The following TMEM41B variants were observed in gnomAD, a reference collection of about 807,000 sequenced individuals.
TMEM41B encodes the protein protein stasimon.
In TMEM41B, 18 loss-of-function variants were observed where a neutral mutation model predicts 31.9. The ratio of observed to expected loss-of-function variants is 0.56; its 90% CI spans 0.39 to 0.84. The LOEUF (loss-of-function observed/expected upper bound fraction) is 0.84, where lower values mean the gene tolerates loss of function less well. TMEM41B is among the 40% of genes least tolerant of loss of function. TMEM41B has a pLI of 0.00. For synonymous variants in TMEM41B, 144 were observed against 124.3 expected, an observed-to-expected ratio of 1.16 and a Z score of -1.05; for missense variants, 322 against 348.0, an observed-to-expected ratio of 0.93 and a Z score of 0.59.
chr11:9,293,414 T>C (rs1050475566), intron 3 of TMEM41B, among the ~76,000 whole-genome samples: 3 of 151,902 alleles, frequency 2.0e-5, no homozygotes, highest in African/African-American at 7.2e-5. Context: ...ATTAGTTTTT[T>C]AAGAAAAATA....
At chr11:9,313,159 T>C (rs1438979057) in intron 1 of TMEM41B, among the ~76,000 whole-genome samples, 1 of 152,218 alleles carries the variant, frequency 6.6e-6, no homozygotes, top group Non-Finnish European at 1.5e-5. Context: ...CAAAACAATC[T>C]TTCTTTTATT....
chr11:9,313,445 A>G (rs923387472), intron 1 of TMEM41B, among the ~76,000 whole-genome samples: 1 of 152,242 alleles, frequency 6.6e-6, no homozygotes, highest in Non-Finnish European at 1.5e-5. Context: ...TATGAGCTTT[A>G]AAATCATTTA....
intron 3 of TMEM41B, among the ~76,000 whole-genome samples, chr11:9,292,687 C>T (rs533960516): frequency 4.6e-5 from 7 of 152,056 alleles, no homozygotes; most frequent in East Asian, 3.9e-4. Flanking sequence ...CATGAAGAGA[C>T]GGGATTTCTT....
intron 3 of TMEM41B, among the ~76,000 whole-genome samples, chr11:9,289,134 G>A (rs1222628139): frequency 2.0e-5 from 3 of 152,142 alleles, no homozygotes; most frequent in East Asian, 1.9e-4. Flanking sequence ...CTTGCAAGTA[G>A]TTGGGATCAC....
At chr11:9,312,671 C>A (rs1025291367) in intron 1 of TMEM41B, among the ~76,000 whole-genome samples, 1 of 151,860 alleles carries the variant, frequency 6.6e-6, no homozygotes, top group African/African-American at 2.4e-5. Flanking sequence ...TTTGGGAGGC[C>A]GAGGCGGGCG....
intron 3 of TMEM41B, among the ~76,000 whole-genome samples, chr11:9,293,930 C>T (rs937199262): frequency 2.0e-5 from 3 of 152,008 alleles, no homozygotes; most frequent in African/African-American, 7.3e-5. Flanking sequence ...TGTTGTCAGG[C>T]GTGGCGGCTC....
At chr11:9,307,547 A>C (rs1853430656) in intron 1 of TMEM41B, among the ~76,000 whole-genome samples, 2 of 151,996 alleles carry the variant, frequency 1.3e-5, no homozygotes, top group African/African-American at 4.8e-5. Context: ...GGTTCAAGCA[A>C]TTCTCCTGCC....
At chr11:9,287,402 T>C (rs1852860122) in intron 5 of TMEM41B, among the ~76,000 whole-genome samples, 1 of 152,208 alleles carries the variant, frequency 6.6e-6, no homozygotes, top group Non-Finnish European at 1.5e-5. Flanking sequence ...ATAAAACAGA[T>C]AGGTATCTAA....
chr11:9,306,276 G>C (rs909663712), intron 1 of TMEM41B, among the ~76,000 whole-genome samples: 3 of 151,670 alleles, frequency 2.0e-5, no homozygotes, highest in African/African-American at 7.3e-5. Context: ...ACCACGCCCA[G>C]CCAGTACTCT....
intron 1 of TMEM41B, among the ~76,000 whole-genome samples, chr11:9,308,234 T>C (rs887157462): frequency 6.6e-6 from 1 of 152,028 alleles, no homozygotes; most frequent in African/African-American, 2.4e-5. Context: ...TCCCAGCTAC[T>C]GGGGAGGCTG....
chr11:9,293,294 G>A (rs1853000921), intron 3 of TMEM41B, among the ~76,000 whole-genome samples: 1 of 151,992 alleles, frequency 6.6e-6, no homozygotes. Context: ...GTAGAAACTG[G>A]GTCTAGCTAC....
In TMEM41B at chr11:9,282,881, T is replaced by C. The variant is rs4384389; in HGVS notation, c.*543A>G. On this transcript the variant is annotated 3_prime_UTR_variant, in exon 7 of 7. Transcript: ENST00000528080. The stretch of plus-strand genomic sequence containing the variant: ...CCCAGGAGGTGGAGCTTGCAGTGAG[T>C]GGAGATCGCGCCACTGCACTCCAGC... 0.95 allele frequency: 142,753 copies of C among 149,846 alleles called. 68,332 individuals carry two copies. The highest frequency in any genetic ancestry group is 1 in the East Asian group (5,052 of 5,054). The allele number at this position is 149,846 out of a possible 1,614,324, so 9.3% of individuals were successfully genotyped here.
chr11:9,294,278 T>C (rs909068983), intron 3 of TMEM41B, among the ~76,000 whole-genome samples: 6 of 150,434 alleles, frequency 4.0e-5, no homozygotes, highest in Non-Finnish European at 8.8e-5. Context: ...GCAGATCACC[T>C]GAGGTCAGGG....
intron 1 of TMEM41B, among the ~76,000 whole-genome samples, chr11:9,300,714 TA>T (rs1447558468): frequency 8.6e-5 from 13 of 151,606 alleles, no homozygotes; most frequent in Non-Finnish European, 1.9e-4. Flanking sequence ...CCGTCTCTAC[TA>T]AAAATACAAA....
intron 1 of TMEM41B, among the ~76,000 whole-genome samples, chr11:9,305,886 T>G (rs535783517): frequency 3.3e-5 from 5 of 152,102 alleles, no homozygotes; most frequent in South Asian, 2.1e-4. Flanking sequence ...GGTCTACATC[T>G]AAATTTATAG....
At chr11:9,301,575 T>C (rs1853261053) in intron 1 of TMEM41B, among the ~76,000 whole-genome samples, 1 of 152,116 alleles carries the variant, frequency 6.6e-6, no homozygotes, top group South Asian at 2.1e-4. Flanking sequence ...CCCATCTCCC[T>C]TCTCTTGAAT....
At chr11:9,285,592 A>C (rs1422896763) in intron 6 of TMEM41B, among the ~76,000 whole-genome samples, 1 of 152,158 alleles carries the variant, frequency 6.6e-6, no homozygotes, top group Non-Finnish European at 1.5e-5. Context: ...ATATGTAAGT[A>C]ATTTTCATGT....
At chr11:9,294,509 G>A (rs1220578783) in intron 3 of TMEM41B, among the ~76,000 whole-genome samples, 1 of 150,170 alleles carries the variant, frequency 6.7e-6, no homozygotes, top group East Asian at 1.9e-4. Context: ...AAAAAAAGTT[G>A]GTTTAAAAAG....
At position 9,314,412 on chromosome 11, in the gene TMEM41B, C is replaced by G; in HGVS notation, c.30G>C (p.Ser10=). ...GGGTCGTGTGGTGAGCGCCCAACTGCGATCGTTCGGCGACTCTGCCTTTCG... is the reference window on the plus strand; with the variant it reads ...GGGTCGTGTGGTGAGCGCCCAACTGGGATCGTTCGGCGACTCTGCCTTTCG... The part of the protein sequence containing the change: MAKGRVAER[S]QLGAHHTTPV... The change falls in exon 1 of 7, where the codon TCG becomes TCC. Residue 10 remains serine, a synonymous_variant. Transcript: ENST00000528080. 6.4e-7 allele frequency: 1 copy of G among 1,564,920 alleles called. No homozygotes were observed. Among genetic ancestry groups the G allele is most frequent in the South Asian group, 1.2e-5 (1 of 85,500 alleles).
Sources: gnomAD v4.1 joint callset for allele counts (sites outside exome capture counted in the v4.1 genomes callset) on GRCh38, gnomAD v4.1.1 for gene constraint, MANE v1.5 for transcripts, NCBI Gene and HGNC (gene_info 2026-07-23, HGNC 2026-07-21) for gene names.